TMEM132D: variants seen among roughly 807,000 people sequenced by gnomAD.
TMEM132D encodes mature OL transmembrane protein.
A neutral mutation model predicts 62.3 loss-of-function variants in TMEM132D; 21 were observed. The observed-to-expected ratio is 0.34, with a 90% confidence interval of 0.24 to 0.49. The LOEUF is 0.49. Among genes scored for constraint, TMEM132D ranks in the 20% least tolerant of loss-of-function variants. The pLI is 0.99. For synonymous variants in TMEM132D, 621 were observed against 575.6 expected, an observed-to-expected ratio of 1.08 and a Z score of -1.13; for missense variants, 1,346 against 1,402.8, an observed-to-expected ratio of 0.96 and a Z score of 0.65.
At chr12:129,478,809 C>G (rs149262030) in intron 3 of TMEM132D, among the ~76,000 whole-genome samples, 1 of 152,162 alleles carries the variant, frequency 6.6e-6, no homozygotes, top group Non-Finnish European at 1.5e-5. Context: ...AGAATCCGAG[C>G]TTTAGTCCCT....
At chr12:129,126,645 G>A (rs1227307393) in intron 5 of TMEM132D, among the ~76,000 whole-genome samples, 2 of 152,128 alleles carry the variant, frequency 1.3e-5, no homozygotes, top group Non-Finnish European at 2.9e-5. Flanking sequence ...ACATACATAC[G>A]CGTTTGGCAG....
At chr12:129,273,878 C>G (rs12819844) in intron 4 of TMEM132D, among the ~76,000 whole-genome samples, 47,355 of 150,498 alleles carry the variant, frequency 0.31, 7,653 homozygotes, top group South Asian at 0.36. Flanking sequence ...CCATATAACA[C>G]ACCTGCACAT....
chr12:129,736,690 T>G (rs1869436374), intron 1 of TMEM132D, among the ~76,000 whole-genome samples: 1 of 152,230 alleles, frequency 6.6e-6, no homozygotes, highest in South Asian at 2.1e-4. Flanking sequence ...AATGCTCTTG[T>G]TCATTGCCTC....
chr12:129,513,737 A>G (rs994955187), intron 3 of TMEM132D, among the ~76,000 whole-genome samples: 33 of 150,628 alleles, frequency 2.2e-4, no homozygotes, highest in Admixed American at 1.3e-4. Flanking sequence ...CGCCCGTCTC[A>G]GCCTCTCAAA....
chr12:129,807,061 GAATA>G (rs1209566229), intron 1 of TMEM132D, among the ~76,000 whole-genome samples: 2 of 152,170 alleles, frequency 1.3e-5, no homozygotes, highest in African/African-American at 2.4e-5. Flanking sequence ...ATAAATAAAT[GAATA>G]AAGTAATTGC....
chr12:129,719,428 C>A (rs1055850285), intron 1 of TMEM132D, among the ~76,000 whole-genome samples: 1 of 152,188 alleles, frequency 6.6e-6, no homozygotes, highest in Non-Finnish European at 1.5e-5. Context: ...GAACTAGAGG[C>A]ATACTGTGCT....
At chr12:129,132,185 T>A (rs1175235424) in intron 5 of TMEM132D, among the ~76,000 whole-genome samples, 1 of 151,770 alleles carries the variant, frequency 6.6e-6, no homozygotes, top group East Asian at 1.9e-4. Context: ...TGCAGTAACC[T>A]GTTTGTTCAA....
rs568650435 is a variant in TMEM132D at position 129,752,860 on chromosome 12, T to G, written c.80-52162A>C. Among the ~76,000 whole-genome samples the G allele has an allele frequency of 7.9e-5, 12 of 152,318 alleles. No individual in the cohort carries two copies. In the South Asian group the frequency reaches 2.5e-3, roughly 32 times the overall value. ...GGCTCAGATGGGACCACTTACTACT[T>G]GGCGAGGAGGAAGGAGGTATCCTAA... On this transcript the variant is annotated intron_variant, in intron 1 of 8. Transcript: ENST00000422113.
chr12:129,337,432 T>TACACACAAGCAC (rs1869320078), intron 4 of TMEM132D, among the ~76,000 whole-genome samples: 1 of 109,718 alleles, frequency 9.1e-6, no homozygotes, highest in African/African-American at 3.6e-5. Flanking sequence ...TAGATATAGA[T>TACACACAAGCAC]ACACACACGC....
chr12:129,631,966 G>A (rs1446592733), intron 2 of TMEM132D, among the ~76,000 whole-genome samples: 1 of 152,058 alleles, frequency 6.6e-6, no homozygotes, highest in Non-Finnish European at 1.5e-5. Flanking sequence ...ACACAAAACA[G>A]GACCTATTCC....
chr12:129,706,403 G>A (rs1040795498), intron 1 of TMEM132D, among the ~76,000 whole-genome samples: 1 of 151,778 alleles, frequency 6.6e-6, no homozygotes, highest in Non-Finnish European at 1.5e-5. Context: ...TGAATTAAAG[G>A]TCTTAATTTT....
At chr12:129,330,428 G>C (rs567530081) in intron 4 of TMEM132D, among the ~76,000 whole-genome samples, 1 of 152,162 alleles carries the variant, frequency 6.6e-6, no homozygotes, top group South Asian at 2.1e-4. Context: ...CCCCACTGTG[G>C]CAATACTGAG....
intron 5 of TMEM132D, among the ~76,000 whole-genome samples, chr12:129,089,296 TATGACCGGGTGTCCTCC>T (rs1874806168): frequency 3.4e-5 from 1 of 29,216 alleles, no homozygotes; most frequent in African/African-American, 2.6e-4. Flanking sequence ...GGGTGTCCTC[TATGACCGGGTGTCCTCC>T]ATGACCGGGT....
intron 3 of TMEM132D, among the ~76,000 whole-genome samples, chr12:129,421,502 C>A (rs972513809): frequency 6.6e-6 from 1 of 152,188 alleles, no homozygotes; most frequent in African/African-American, 2.4e-5. Context: ...ACCAGAGATG[C>A]TCCTAAACAT....
chr12:129,734,878 T>C (rs1869376435), intron 1 of TMEM132D, among the ~76,000 whole-genome samples: 1 of 151,892 alleles, frequency 6.6e-6, no homozygotes, highest in African/African-American at 2.4e-5. Flanking sequence ...GGTAACAGCA[T>C]GAAAAGATCA....
At chr12:129,330,438 G>A (rs1319933033) in intron 4 of TMEM132D, among the ~76,000 whole-genome samples, 1 of 152,306 alleles carries the variant, frequency 6.6e-6, no homozygotes, top group African/African-American at 2.4e-5. Context: ...GCAATACTGA[G>A]AGGTGGCCCT....
intron 2 of TMEM132D, among the ~76,000 whole-genome samples, chr12:129,593,334 G>A (rs1358820419): frequency 6.6e-6 from 1 of 152,104 alleles, no homozygotes; most frequent in Admixed American, 6.5e-5. Flanking sequence ...GGAAACAGAA[G>A]ATAAAAAATG....
intron 3 of TMEM132D, among the ~76,000 whole-genome samples, chr12:129,397,910 T>C (rs1871478393): frequency 6.6e-6 from 1 of 152,136 alleles, no homozygotes; most frequent in African/African-American, 2.4e-5. Context: ...CCGACGGCCT[T>C]TGCAACTAGG....
chr12:129,817,697 G>T (rs1184758053), intron 1 of TMEM132D, among the ~76,000 whole-genome samples: 6 of 149,424 alleles, frequency 4.0e-5, no homozygotes, highest in African/African-American at 1.5e-4. Context: ...GTATGTGTGT[G>T]TATCTGTGTG....
Sources: gnomAD v4.1 joint callset for allele counts (sites outside exome capture counted in the v4.1 genomes callset) on GRCh38, gnomAD v4.1.1 for gene constraint, MANE v1.5 for transcripts, NCBI Gene and HGNC (gene_info 2026-07-23, HGNC 2026-07-21) for gene names.